The following IL33 variants were observed in gnomAD, a reference collection of about 807,000 sequenced individuals.
The protein encoded by IL33 is interleukin-33.
A neutral mutation model predicts 27.3 loss-of-function variants in IL33; 37 were observed. The observed-to-expected ratio is 1.36, with a 90% CI of 1.04 to 1.78. The LOEUF (loss-of-function observed/expected upper bound fraction) is 1.78, where lower values mean the gene tolerates loss of function less well. Ranked by LOEUF, IL33 falls within the 40% of genes most tolerant of loss-of-function variation. The probability of loss-of-function intolerance (pLI) is 0.00; values close to 1 mark genes in which losing one functional copy is unlikely to be tolerated. For missense variants in IL33, 406 were observed against 311.4 expected, an observed-to-expected ratio of 1.30 and a Z score of -2.29; for synonymous variants, 132 against 102.9, an observed-to-expected ratio of 1.28 and a Z score of -1.71.
rs566213309 is a variant in IL33 at position 6,229,830 on chromosome 9, A to G, written c.-11-11854A>G. 1.4e-3 allele frequency among the ~76,000 whole-genome samples: 219 copies of G among 152,222 alleles called. 1 individual carries two copies. The highest frequency in any genetic ancestry group is 4.9e-3 in the African/African-American group (203 of 41,536). ...AACAAACAGAGTTGGATCTATTATT[A>G]TATATATAATAGATAAGGAAGGGAG... On this transcript the variant is annotated intron_variant, in intron 1 of 7. Coordinates refer to ENST00000682010, the MANE Select transcript of IL33 (RefSeq NM_033439.4).
intron 2 of IL33, among the ~76,000 whole-genome samples, chr9:6,250,022 A>G (rs1040404670): frequency 3.9e-5 from 6 of 152,174 alleles, no homozygotes; most frequent in African/African-American, 1.4e-4. Context: ...GCAAAGGTTG[A>G]TATATGTTGG....
chr9:6,218,954 G>T (rs1297497028), intron 1 of IL33, among the ~76,000 whole-genome samples: 1 of 97,828 alleles, frequency 1.0e-5, no homozygotes, highest in Non-Finnish European at 2.0e-5. Context: ...GTCTACATCA[G>T]AAAATTTATA....
rs1211289953 is a variant in IL33, at chr9:6,257,797, T to A, written c.*1629T>A. Reference sequence around the variant, plus strand: ...ACAACTGTAAAACAATTTATCTTTGTTTCATTGTTCTGTCAATAATTGTTA... The same window carrying A: ...ACAACTGTAAAACAATTTATCTTTGATTCATTGTTCTGTCAATAATTGTTA... On this transcript the variant is annotated 3_prime_UTR_variant, in exon 8 of 8. Transcript: ENST00000682010. 4 of 152,180 alleles carry A rather than the reference T, an allele frequency of 2.6e-5. No homozygotes were observed. The highest frequency in any genetic ancestry group is 2.6e-4 in the Admixed American group (4 of 15,280). 9.4% of individuals were successfully genotyped at this position (152,180 alleles called of 1,614,324 possible). A position where few individuals can be genotyped will look rare whatever the true frequency, so the allele number is the denominator to read the frequency against.
At chr9:6,248,789 G>A (rs973948021) in intron 2 of IL33, among the ~76,000 whole-genome samples, 1 of 151,688 alleles carries the variant, frequency 6.6e-6, no homozygotes, top group South Asian at 2.1e-4. Flanking sequence ...GTGTTGCCCA[G>A]GCTGGTCTTG....
intron 1 of IL33, among the ~76,000 whole-genome samples, chr9:6,218,625 C>T (rs7869051): frequency 1.4e-5 from 2 of 145,194 alleles, no homozygotes; most frequent in African/African-American, 2.5e-5. Context: ...TATATTCTCC[C>T]TATATATATA....
chr9:6,221,408 C>A (rs1422625675), intron 1 of IL33, among the ~76,000 whole-genome samples: 1 of 152,178 alleles, frequency 6.6e-6, no homozygotes, highest in African/African-American at 2.4e-5. Flanking sequence ...ATGCTTACAT[C>A]TGGCTGTCCA....
At chr9:6,233,918 T>C (rs1364165540) in intron 1 of IL33, among the ~76,000 whole-genome samples, 1 of 152,186 alleles carries the variant, frequency 6.6e-6, no homozygotes, top group Non-Finnish European at 1.5e-5. Flanking sequence ...AGTGCAGTTG[T>C]TTTGAGATTC....
chr9:6,256,191 G>C lies in IL33; in HGVS notation c.*23G>C. 2 of 1,566,694 alleles carry C rather than the reference G, an allele frequency of 1.3e-6. No homozygotes were observed. Among genetic ancestry groups the C allele is most frequent in the African/African-American group, 1.4e-5 (1 of 73,968 alleles). ...TAGTTGATGGAAACCTGTGAGTCTT[G>C]GGTTGAGTACCCAAATGCTACCACT... On this transcript the variant is annotated 3_prime_UTR_variant, in exon 8 of 8. Coordinates refer to ENST00000682010, the MANE Select transcript of IL33 (RefSeq NM_033439.4).
intron 1 of IL33, among the ~76,000 whole-genome samples, chr9:6,232,985 T>C (rs12683567): frequency 0.62 from 94,487 of 152,028 alleles, 30,518 homozygotes; most frequent in Middle Eastern, 0.73. Flanking sequence ...TTTTGAACCA[T>C]TTTTTAAAAT....
intron 1 of IL33, among the ~76,000 whole-genome samples, chr9:6,235,692 C>T (rs953374163): frequency 2.0e-5 from 3 of 152,060 alleles, no homozygotes; most frequent in Non-Finnish European, 2.9e-5. Flanking sequence ...TAACAATACA[C>T]ATTTTTTAAA....
intron 2 of IL33, among the ~76,000 whole-genome samples, chr9:6,246,542 C>A (rs553145217): frequency 1.2e-4 from 19 of 152,082 alleles, no homozygotes; most frequent in African/African-American, 3.9e-4. Flanking sequence ...AGCCTGACAA[C>A]AGAGCGAGTC....
intron 1 of IL33, among the ~76,000 whole-genome samples, chr9:6,236,981 G>A (rs1819250809): frequency 6.6e-6 from 1 of 152,190 alleles, no homozygotes; most frequent in Non-Finnish European, 1.5e-5. Context: ...CATTTAAGTA[G>A]CTCCATCTGC....
chr9:6,233,101 A>C (rs563091643), intron 1 of IL33, among the ~76,000 whole-genome samples: 1 of 152,182 alleles, frequency 6.6e-6, no homozygotes, highest in Non-Finnish European at 1.5e-5. Flanking sequence ...CTCCATCTCC[A>C]GAACATTTTT....
intron 2 of IL33, among the ~76,000 whole-genome samples, chr9:6,243,601 C>T (rs1587648747): frequency 2.0e-5 from 3 of 152,086 alleles, no homozygotes; most frequent in African/African-American, 2.4e-5. Flanking sequence ...GTGATCCACC[C>T]GCCTCAGCCT....
rs148746466 is a variant in IL33 at position 6,230,375 on chromosome 9, A to G, written c.-11-11309A>G. 4.0e-4 allele frequency among the ~76,000 whole-genome samples: 61 copies of G among 152,222 alleles called. 2 individuals carry two copies. In the East Asian group the frequency reaches 0.01, roughly 25 times the overall value. Reference sequence around the variant, plus strand: ...GAAAGTGGCAGATGGAAACTTTCAGAGTGGTGGAGGGTAGGGGACAGGAAG... The same window carrying G: ...GAAAGTGGCAGATGGAAACTTTCAGGGTGGTGGAGGGTAGGGGACAGGAAG... On this transcript the variant is annotated intron_variant, in intron 1 of 7. Coordinates refer to ENST00000682010, the MANE Select transcript of IL33 (RefSeq NM_033439.4).
intron 2 of IL33, among the ~76,000 whole-genome samples, chr9:6,249,809 G>A (rs1587661687): frequency 6.6e-6 from 1 of 152,176 alleles, no homozygotes; most frequent in African/African-American, 2.4e-5. Context: ...CATCTTGCAA[G>A]ATTATTATGA....
chr9:6,241,077 G>A (rs1255213232), intron 1 of IL33, among the ~76,000 whole-genome samples: 3 of 152,022 alleles, frequency 2.0e-5, no homozygotes, highest in African/African-American at 7.2e-5. Flanking sequence ...TTGCCCTACT[G>A]GAAGTTCTTC....
intron 2 of IL33, 151 bp downstream of exon 2, chr9:6,241,936 A>G (rs1819551499): frequency 4.9e-6 from 3 of 606,686 alleles, no homozygotes; most frequent in South Asian, 2.5e-5. Context: ...AGGGTATAAT[A>G]CAGCAGACTG....
chr9:6,219,056 G>A (rs1382228059), intron 1 of IL33, among the ~76,000 whole-genome samples: 1 of 150,138 alleles, frequency 6.7e-6, no homozygotes, highest in Admixed American at 6.7e-5. Context: ...TTGAAATTTT[G>A]GCAAACATGG....
Sources: gnomAD v4.1 joint callset for allele counts (sites outside exome capture counted in the v4.1 genomes callset) on GRCh38, gnomAD v4.1.1 for gene constraint, MANE v1.5 for transcripts, NCBI Gene and HGNC (gene_info 2026-07-23, HGNC 2026-07-21) for gene names.